The following PRDM1 variants were observed in gnomAD, a reference collection of about 807,000 sequenced individuals.
The protein encoded by PRDM1 is PR domain zinc finger protein 1.
Under a neutral mutation model 62.8 loss-of-function variants are expected in PRDM1, and 13 were observed. That is an observed-to-expected ratio of 0.21 (90% CI 0.13 to 0.33). The LOEUF is 0.33. Among genes scored for constraint, PRDM1 ranks in the 10% least tolerant of loss-of-function variants. The probability of loss-of-function intolerance (pLI) is 1.00; values close to 1 mark genes in which losing one functional copy is unlikely to be tolerated. For missense variants in PRDM1, 895 were observed against 1,058.8 expected, an observed-to-expected ratio of 0.85 and a Z score of 2.15; for synonymous variants, 396 against 417.6, an observed-to-expected ratio of 0.95 and a Z score of 0.63.
chr6:106,089,051 T>TA (rs1435301026), intron 2 of PRDM1, among the ~76,000 whole-genome samples: 1 of 152,214 alleles, frequency 6.6e-6, no homozygotes, highest in Non-Finnish European at 1.5e-5. Context: ...TTGCTGGGGC[T>TA]GGGCTGGCAG....
chr6:106,070,567 A>G (rs1773494523), intron 1 of PRDM1, among the ~76,000 whole-genome samples: 1 of 147,078 alleles, frequency 6.8e-6, no homozygotes, highest in Admixed American at 7.1e-5. Context: ...ATATATTTCT[A>G]TAAGTATAAT....
chr6:105,997,862 A>G (rs577817477), intron 1 of PRDM1, among the ~76,000 whole-genome samples: 21 of 152,348 alleles, frequency 1.4e-4, no homozygotes, highest in African/African-American at 3.4e-4. Flanking sequence ...AAGGAACTAT[A>G]CTTTCTATTT....
chr6:106,015,083 C>T (rs1291402692), intron 1 of PRDM1, among the ~76,000 whole-genome samples: 2 of 152,158 alleles, frequency 1.3e-5, no homozygotes, highest in Admixed American at 6.5e-5. Context: ...CAAGGGTTCC[C>T]TTTGCTGGGA....
At chr6:106,077,264 C>T (rs1773618726) in intron 1 of PRDM1, among the ~76,000 whole-genome samples, 1 of 152,222 alleles carries the variant, frequency 6.6e-6, no homozygotes, top group Non-Finnish European at 1.5e-5. Flanking sequence ...ACACATTAAT[C>T]AACCATCGAT....
In PRDM1 at chr6:106,107,429, A is replaced by G. The variant is rs1294225152; in HGVS notation, c.2421A>G (p.Pro807=). 3 of 1,614,130 alleles carry G rather than the reference A, an allele frequency of 1.9e-6. No homozygotes were observed. In the East Asian group the frequency reaches 6.7e-5, roughly 36 times the overall value. The part of the protein sequence containing the change: ...LPLMKLPPSN[P]LPLVPVKVKQ... Reference sequence around the variant, plus strand: ...TCATGAAGTTGCCTCCCAGCAACCCACTACCTCTGGTACCTGTAAAGGTCA... The same window carrying G: ...TCATGAAGTTGCCTCCCAGCAACCCGCTACCTCTGGTACCTGTAAAGGTCA... Residue 807 remains proline (P), a synonymous_variant, in exon 7 of 7, where the codon CCA becomes CCG. Transcript: ENST00000369096.
At chr6:106,082,029 A>C (rs1773702661), upstream of PRDM1, among the ~76,000 whole-genome samples, 2 of 152,130 alleles carry the variant, frequency 1.3e-5, no homozygotes, top group African/African-American at 2.4e-5. Context: ...CTGAAAGGTG[A>C]GAGAAGCAAA....
chr6:106,088,430 A>G lies in PRDM1; in HGVS notation c.272A>G (p.Tyr91Cys), dbSNP rs1396809580. The change falls in exon 2 of 7, where the codon TAT becomes TGT. Residue 91 changes from tyrosine to cysteine, a missense_variant. Tyr to Cys is a radical substitution (Grantham distance 194, BLOSUM62 -2). Transcript: ENST00000369096. ...TTACCAAGGAATCTGCTTTTCAAGT[A>G]TGCCACCAACAGTGAAGAGGTAAGC... ...ASLPRNLLFK[Y>C]ATNSEEVIGV... 1.2e-6 allele frequency: 2 copies of G among 1,614,206 alleles called. No homozygotes were observed. Among genetic ancestry groups the G allele is most frequent in the East Asian group, 2.2e-5 (1 of 44,894 alleles).
At chr6:106,033,721 T>C (rs1261531352) in intron 1 of PRDM1, among the ~76,000 whole-genome samples, 4 of 152,188 alleles carry the variant, frequency 2.6e-5, no homozygotes, top group African/African-American at 9.6e-5. Context: ...GTAGTGTCTT[T>C]GACTAGCTTT....
rs1340329056 is a variant in PRDM1 at position 106,088,469 on chromosome 6, A to G, written c.291+20A>G. ...GAAGAGGTAAGCCTCTGGTTTATTG[A>G]CAAGAAGATTGGGGACCTGGTGCCA... On this transcript the variant is annotated intron_variant, in intron 2 of 6. Coordinates refer to ENST00000369096, the MANE Select transcript of PRDM1 (RefSeq NM_001198.4). 1 of 1,613,682 alleles carries G rather than the reference A, an allele frequency of 6.2e-7. No individual in the cohort carries two copies.
chr6:106,102,353 A>T (rs1774297165), intron 4 of PRDM1, among the ~76,000 whole-genome samples: 1 of 152,354 alleles, frequency 6.6e-6, no homozygotes, highest in East Asian at 1.9e-4. Context: ...ATGATTTTTT[A>T]AAATGCACCT....
At chr6:106,002,913 A>G (rs1772444109) in intron 1 of PRDM1, among the ~76,000 whole-genome samples, 1 of 152,202 alleles carries the variant, frequency 6.6e-6, no homozygotes, top group South Asian at 2.1e-4. Context: ...AGAGTTGGCC[A>G]TTCTCTTTTG....
At chr6:106,019,303 A>G (rs1283799753) in intron 1 of PRDM1, among the ~76,000 whole-genome samples, 1 of 146,582 alleles carries the variant, frequency 6.8e-6, no homozygotes, top group East Asian at 2.0e-4. Flanking sequence ...AGAACCTTCT[A>G]TATGATTTTA....
rs542200031 is a variant in PRDM1 at position 106,101,976 on chromosome 6, A to AT, written c.664+2432dup. Among the ~76,000 whole-genome samples the AT allele has an allele frequency of 5.2e-3, 793 of 152,174 alleles. 3 individuals carry two copies. Among genetic ancestry groups the AT allele is most frequent in the Non-Finnish European group, 8.9e-3 (606 of 67,974 alleles). ...TCCCAAATTTGGCAGGGGGGGAGGT[A>AT]TTTTTTTTCTATCTATCTAACTAAC... On this transcript the variant is annotated intron_variant, in intron 4 of 6. Coordinates refer to ENST00000369096, the MANE Select transcript of PRDM1 (RefSeq NM_001198.4).
intron 1 of PRDM1, among the ~76,000 whole-genome samples, chr6:105,998,577 G>A (rs561469451): frequency 5.3e-4 from 80 of 152,208 alleles, no homozygotes; most frequent in Non-Finnish European, 9.7e-4. Context: ...ACACATGACA[G>A]TTAATTTTAC....
intron 3 of PRDM1, chr6:106,098,880 G>T: frequency 6.6e-7 from 1 of 1,512,046 alleles, no homozygotes; most frequent in South Asian, 1.3e-5. Context: ...GTCGTCAGCC[G>T]GCTTGGTCTT....
chr6:106,011,778 T>TA (rs2114550643), intron 1 of PRDM1, among the ~76,000 whole-genome samples: 1 of 151,994 alleles, frequency 6.6e-6, no homozygotes, highest in Non-Finnish European at 1.5e-5. Context: ...GCCAAGTTCT[T>TA]ACTCTCAGTC....
intron 1 of PRDM1, among the ~76,000 whole-genome samples, chr6:106,009,221 A>G (rs1224147322): frequency 6.6e-6 from 1 of 152,220 alleles, no homozygotes; most frequent in Non-Finnish European, 1.5e-5. Flanking sequence ...CAAATGAATG[A>G]AATATATTTG....
chr6:106,012,614 A>T (rs920087972), intron 1 of PRDM1, among the ~76,000 whole-genome samples: 6 of 151,592 alleles, frequency 4.0e-5, no homozygotes, highest in Admixed American at 6.6e-5. Flanking sequence ...TGTTGCAAAC[A>T]TACACCATAC....
At chr6:106,104,744 CAAG>C (rs1774391704) in intron 4 of PRDM1, 78 bp from the exon 5 acceptor site, 27 of 1,477,288 alleles carry the variant, frequency 1.8e-5, no homozygotes, top group South Asian at 2.7e-5. Context: ...CAGGTTTTCT[CAAG>C]AAGGAGGAGC....
Sources: allele counts gnomAD v4.1 joint callset (sites outside exome capture counted in the v4.1 genomes callset), GRCh38; gene constraint gnomAD v4.1.1; transcripts MANE v1.5; gene names NCBI Gene and HGNC (gene_info 2026-07-23, HGNC 2026-07-21).